The following CDYL variants were observed in gnomAD, a reference collection of about 807,000 sequenced individuals.
CDYL encodes the protein chromodomain Y like, also known as chromodomain Y-like protein.
In CDYL, 8 loss-of-function variants were observed where a neutral mutation model predicts 47.3. The observed-to-expected ratio is 0.17, with a 90% confidence interval of 0.10 to 0.31. The LOEUF is 0.31. Ranked by LOEUF, CDYL falls within the 10% of genes least tolerant of loss-of-function variation. CDYL has a pLI of 1.00. For synonymous variants in CDYL, 266 were observed against 265.0 expected (o/e 1.00, Z -0.04); for missense variants, 471 against 701.4 (o/e 0.67, Z 3.71).
At chr6:4,893,512 G>T (rs574725270) in intron 2 of CDYL, among the ~76,000 whole-genome samples, 2 of 152,222 alleles carry the variant, frequency 1.3e-5, no homozygotes, top group African/African-American at 4.8e-5. Context: ...GGCCAACATG[G>T]TGAAACCCCG....
intron 2 of CDYL, among the ~76,000 whole-genome samples, chr6:4,918,980 TTATAC>T (rs1193084580): frequency 1.3e-5 from 2 of 152,204 alleles, no homozygotes; most frequent in African/African-American, 4.8e-5. Flanking sequence ...GTATGGGCCT[TTATAC>T]TACAGAACCT....
At chr6:4,858,938 A>G (rs529814913) in intron 1 of CDYL, among the ~76,000 whole-genome samples, 30 of 152,270 alleles carry the variant, frequency 2.0e-4, no homozygotes, top group South Asian at 1.7e-3. Flanking sequence ...CACTGGGCCA[A>G]TGTTACCCAG....
chr6:4,883,267 C>T (rs1761812371), intron 1 of CDYL, among the ~76,000 whole-genome samples: 1 of 152,124 alleles, frequency 6.6e-6, no homozygotes, highest in South Asian at 2.1e-4. Context: ...ATTAATGATC[C>T]TTGTCATTCA....
chr6:4,742,420 T>C (rs995604032), intron 3 of CDYL, among the ~76,000 whole-genome samples: 1 of 146,390 alleles, frequency 6.8e-6, no homozygotes, highest in Admixed American at 6.9e-5. Flanking sequence ...CAGGTATTGG[T>C]CCATAGCAAT....
intron 3 of CDYL, among the ~76,000 whole-genome samples, chr6:4,737,317 G>A (rs894384598): frequency 2.0e-5 from 3 of 150,916 alleles, no homozygotes; most frequent in African/African-American, 7.3e-5. Context: ...TGCAAAACAC[G>A]TCACAGACCA....
intron 1 of CDYL, among the ~76,000 whole-genome samples, chr6:4,798,202 G>C (rs1267495159): frequency 6.6e-6 from 1 of 151,826 alleles, no homozygotes; most frequent in African/African-American, 2.4e-5. Flanking sequence ...TGAACTCCTG[G>C]GCTCCAGCAA....
intron 1 of CDYL, among the ~76,000 whole-genome samples, chr6:4,825,440 A>T (rs1289980177): frequency 2.0e-5 from 3 of 152,144 alleles, no homozygotes; most frequent in Non-Finnish European, 4.4e-5. Flanking sequence ...TATAACTTCC[A>T]GTTATACACT....
At chr6:4,901,712 A>G (rs942822901) in intron 2 of CDYL, among the ~76,000 whole-genome samples, 1 of 152,234 alleles carries the variant, frequency 6.6e-6, no homozygotes, top group Non-Finnish European at 1.5e-5. Context: ...TTTATTAAGT[A>G]CACAGTATTA....
In CDYL at chr6:4,892,148, G is replaced by T. The variant is rs748320096; in HGVS notation, c.460G>T (p.Ala154Ser). ...VPKSPVKSRT[A>S]VDGFQSESPE... ...TAAAAGCCCCGTTAAGAGCAGGACCGCAGTGGACGGCTTTCAGAGCGAGAG... is the reference window on the plus strand; with the variant it reads ...TAAAAGCCCCGTTAAGAGCAGGACCTCAGTGGACGGCTTTCAGAGCGAGAG... Residue 154 changes from alanine (A) to serine (S), a missense_variant, in exon 2 of 7, where the codon GCA becomes TCA. By Grantham distance (99) the Ala-to-Ser change is moderately conservative. This residue lies in a region of CDYL where 311 missense variants were observed against 350.0 expected (regional missense o/e 0.89). Coordinates refer to ENST00000397588, the MANE Select transcript of CDYL (RefSeq NM_004824.4). 8 of 1,614,242 alleles carry T rather than the reference G, an allele frequency of 5.0e-6. No homozygotes were observed. The highest frequency in any genetic ancestry group is 1.3e-5 in the African/African-American group (1 of 75,074).
intron 1 of CDYL, among the ~76,000 whole-genome samples, chr6:4,881,261 G>A (rs1182495206): frequency 2.0e-5 from 3 of 151,678 alleles, no homozygotes; most frequent in Non-Finnish European, 4.4e-5. Flanking sequence ...CACTTTCTTT[G>A]GCTAATAATA....
At chr6:4,930,493 T>C (rs1314094388) in intron 2 of CDYL, among the ~76,000 whole-genome samples, 1 of 152,242 alleles carries the variant, frequency 6.6e-6, no homozygotes, top group Admixed American at 6.5e-5. Context: ...GGTGGACTGT[T>C]AGGCTCACCA....
chr6:4,907,560 T>C (rs1315037012), intron 2 of CDYL, among the ~76,000 whole-genome samples: 1 of 152,046 alleles, frequency 6.6e-6, no homozygotes, highest in Non-Finnish European at 1.5e-5. Context: ...TTTCACCATC[T>C]CTACAAAAGA....
At chr6:4,742,773 T>A (rs1757820050) in intron 3 of CDYL, among the ~76,000 whole-genome samples, 1 of 151,958 alleles carries the variant, frequency 6.6e-6, no homozygotes, top group Non-Finnish European at 1.5e-5. Context: ...CTCTCAGGGG[T>A]TTTTCCTTGT....
At chr6:4,931,976 C>T (rs1472966835) in intron 2 of CDYL, among the ~76,000 whole-genome samples, 5 of 152,204 alleles carry the variant, frequency 3.3e-5, no homozygotes, top group Admixed American at 3.3e-4. Flanking sequence ...TGCATGGGCT[C>T]CATGGCCTAG....
At chr6:4,744,682 C>G (rs1413847883) in intron 3 of CDYL, among the ~76,000 whole-genome samples, 1 of 152,146 alleles carries the variant, frequency 6.6e-6, no homozygotes, top group Non-Finnish European at 1.5e-5. Context: ...GAGGTAGATA[C>G]TACTATGATC....
At chr6:4,804,457 A>G (rs1413443991) in intron 1 of CDYL, among the ~76,000 whole-genome samples, 1 of 152,194 alleles carries the variant, frequency 6.6e-6, no homozygotes. Flanking sequence ...TCTCAAAATA[A>G]AGACCTTTGT....
At chr6:4,765,494 A>G (rs1385956836) in intron 3 of CDYL, among the ~76,000 whole-genome samples, 2 of 152,058 alleles carry the variant, frequency 1.3e-5, no homozygotes, top group Non-Finnish European at 2.9e-5. Context: ...ATGCAGGGGA[A>G]TTTATAGGTT....
intron 1 of CDYL, among the ~76,000 whole-genome samples, chr6:4,858,767 C>T (rs934472985): frequency 3.3e-5 from 5 of 152,346 alleles, no homozygotes; most frequent in African/African-American, 1.2e-4. Flanking sequence ...TTGAATCCAG[C>T]TCTTCCAGTT....
chr6:4,762,223 G>C (rs533354581), intron 3 of CDYL, among the ~76,000 whole-genome samples: 1 of 152,312 alleles, frequency 6.6e-6, no homozygotes, highest in South Asian at 2.1e-4. Flanking sequence ...AGCACCCCTA[G>C]AGACTACAGC....
Sources: allele counts gnomAD v4.1 joint callset (sites outside exome capture counted in the v4.1 genomes callset), GRCh38; gene constraint gnomAD v4.1.1; regional missense constraint gnomAD v4.1.1; transcripts MANE v1.5; gene names NCBI Gene and HGNC (gene_info 2026-07-23, HGNC 2026-07-21).